PLCB1: variants seen among roughly 807,000 people sequenced by gnomAD.
PLCB1 encodes the protein 1-phosphatidylinositol 4,5-bisphosphate phosphodiesterase beta-1.
Under a neutral mutation model 161.8 loss-of-function variants are expected in PLCB1, and 46 were observed. The ratio of observed to expected loss-of-function variants is 0.28; its 90% confidence interval spans 0.22 to 0.36. PLCB1 has a LOEUF of 0.36. Among genes scored for constraint, PLCB1 ranks in the 10% least tolerant of loss-of-function variants. PLCB1 has a pLI of 1.00. For missense variants in PLCB1, 1,016 were observed against 1,472.5 expected, an observed-to-expected ratio of 0.69 and a Z score of 5.07; for synonymous variants, 517 against 503.7, an observed-to-expected ratio of 1.03 and a Z score of -0.35.
chr20:8,132,889 C>G lies in PLCB1; in HGVS notation c.99+139C>G, dbSNP rs1466129834. On this transcript the variant is annotated intron_variant, in intron 1 of 31. Coordinates refer to ENST00000338037, the MANE Select transcript of PLCB1 (RefSeq NM_015192.4). The surrounding 1 kb of genome is among the most constrained non-coding windows in gnomAD (Gnocchi z 5.2). ...GGGCAGCCTCGGGCGCACAGGTTGG[C>G]ATCTGCCAAAGCGGATGTCCAAGGG... is the stretch of plus-strand genomic sequence containing the variant. The G allele has an allele frequency of 4.6e-6, 3 of 646,776 alleles. No homozygotes were observed. Among genetic ancestry groups the G allele is most frequent in the Non-Finnish European group, 8.4e-6 (3 of 358,302 alleles). The allele number at this position is 646,776 out of a possible 1,614,324, so 40.1% of individuals were successfully genotyped here. A position where few individuals can be genotyped will look rare whatever the true frequency, so the allele number is the denominator to read the frequency against.
At chr20:8,185,325 C>A (rs1478699907) in intron 2 of PLCB1, among the ~76,000 whole-genome samples, 1 of 152,106 alleles carries the variant, frequency 6.6e-6, no homozygotes, top group African/African-American at 2.4e-5. Flanking sequence ...CTGCTTATAA[C>A]ATTCTAACTT....
chr20:8,242,397 C>G (rs1396679985), intron 2 of PLCB1, among the ~76,000 whole-genome samples: 4 of 151,838 alleles, frequency 2.6e-5, no homozygotes, highest in Admixed American at 6.6e-5. Context: ...ACAAGCAGCT[C>G]CTCTAAGAAG....
At position 8,430,519 on chromosome 20, in the gene PLCB1, T is replaced by G. The variant is rs567848514; in HGVS notation, c.246+59069T>G. ...AGTATGGCTGAGAATGCAAGTCTCA[T>G]GGGTATATGTTTAATGAACCTAGTT... is the stretch of plus-strand genomic sequence containing the variant. On this transcript the variant is annotated intron_variant, in intron 3 of 31. Transcript: ENST00000338037. Among the ~76,000 whole-genome samples, 5 of 152,312 alleles carry G rather than the reference T, an allele frequency of 3.3e-5. No individual in the cohort carries two copies. In the South Asian group the frequency reaches 8.3e-4, roughly 25 times the overall value.
At chr20:8,581,681 G>T (rs78243176) in intron 3 of PLCB1, among the ~76,000 whole-genome samples, 2 of 152,104 alleles carry the variant, frequency 1.3e-5, no homozygotes, top group Admixed American at 1.3e-4. Flanking sequence ...ATGCATGAAG[G>T]ACTGTCAATG....
At chr20:8,582,144 G>T (rs1986853809) in intron 3 of PLCB1, among the ~76,000 whole-genome samples, 4 of 152,144 alleles carry the variant, frequency 2.6e-5, no homozygotes. Context: ...AAAAGGTTTG[G>T]AAGACATTAT....
rs367624283 is a variant in PLCB1 at position 8,481,629 on chromosome 20, A to G, written c.246+110179A>G. Among the ~76,000 whole-genome samples, 41 of 152,296 alleles carry G rather than the reference A, an allele frequency of 2.7e-4. No homozygotes were observed. The East Asian group carries it at 7.5e-3, about 28-fold the overall frequency. On this transcript the variant is annotated intron_variant, in intron 3 of 31. Coordinates refer to ENST00000338037, the MANE Select transcript of PLCB1 (RefSeq NM_015192.4). ...AAATTAATTGTAGGCTAGCTTACCT[A>G]TAATAGTCCTTAATTACCATTTTGG... is the stretch of plus-strand genomic sequence containing the variant.
intron 3 of PLCB1, among the ~76,000 whole-genome samples, chr20:8,374,959 C>T (rs994091225): frequency 1.3e-5 from 2 of 151,958 alleles, no homozygotes; most frequent in Non-Finnish European, 2.9e-5. Context: ...GTTTTTTGTG[C>T]CTGCTGTGAT....
chr20:8,647,459 G>A (rs546628794), intron 5 of PLCB1, among the ~76,000 whole-genome samples: 26 of 152,302 alleles, frequency 1.7e-4, no homozygotes, highest in African/African-American at 5.8e-4. Context: ...GGGCCTTAGC[G>A]TGTGCAGCTT....
chr20:8,159,542 C>G (rs552225472), intron 2 of PLCB1, among the ~76,000 whole-genome samples: 1 of 152,124 alleles, frequency 6.6e-6, no homozygotes, highest in Non-Finnish European at 1.5e-5. Context: ...TTTCTGCAGC[C>G]GGCTTGAACT....
intron 2 of PLCB1, among the ~76,000 whole-genome samples, chr20:8,254,861 C>T (rs1322480205): frequency 6.6e-6 from 1 of 151,980 alleles, no homozygotes; most frequent in Non-Finnish European, 1.5e-5. Context: ...ACAGATCTAC[C>T]TAGAATTGAA....
At chr20:8,651,523 C>A (rs1054744220) in intron 7 of PLCB1, 28 of 716,834 alleles carry the variant, frequency 3.9e-5, no homozygotes, top group Non-Finnish European at 7.0e-5. Flanking sequence ...AACCTGCTTG[C>A]TATTGCTTTT....
intron 2 of PLCB1, among the ~76,000 whole-genome samples, chr20:8,271,192 G>A (rs1198158053): frequency 6.6e-6 from 1 of 152,090 alleles, no homozygotes; most frequent in Non-Finnish European, 1.5e-5. Flanking sequence ...GAAGAAATGT[G>A]GGAATAAAAG....
At chr20:8,874,227 C>CACACAT (rs1222201676) in intron 31 of PLCB1, among the ~76,000 whole-genome samples, 1 of 117,682 alleles carries the variant, frequency 8.5e-6, no homozygotes, top group Non-Finnish European at 1.7e-5. Flanking sequence ...TGTGTATGTA[C>CACACAT]ACACACACAC....
chr20:8,150,429 A>G, intron 2 of PLCB1, 58 bp downstream of exon 2: 1 of 735,242 alleles, frequency 1.4e-6, no homozygotes, highest in Admixed American at 2.5e-5. Context: ...TTTGAAAAGT[A>G]TTTATGTATC....
intron 3 of PLCB1, among the ~76,000 whole-genome samples, chr20:8,548,043 T>A (rs1461500674): frequency 6.6e-6 from 1 of 151,994 alleles, no homozygotes; most frequent in Non-Finnish European, 1.5e-5. Context: ...ACCCACACAC[T>A]CCTGGTCCAG....
chr20:8,266,129 G>T (rs1364079759), intron 2 of PLCB1, among the ~76,000 whole-genome samples: 1 of 152,134 alleles, frequency 6.6e-6, no homozygotes, highest in African/African-American at 2.4e-5. Flanking sequence ...ATTAACCATT[G>T]CTACAATAAT....
intron 31 of PLCB1, among the ~76,000 whole-genome samples, chr20:8,803,442 T>C (rs2146241792): frequency 6.6e-6 from 1 of 151,472 alleles, no homozygotes; most frequent in South Asian, 2.1e-4. Context: ...TTTTTTTTTT[T>C]TTTTTTCTAC....
At chr20:8,644,887 G>C (rs982695169) in intron 4 of PLCB1, among the ~76,000 whole-genome samples, 14 of 152,282 alleles carry the variant, frequency 9.2e-5, no homozygotes, top group African/African-American at 1.9e-4. Context: ...GAATAGAAAG[G>C]GGGGAAAGGT....
intron 3 of PLCB1, among the ~76,000 whole-genome samples, chr20:8,548,051 C>T (rs1051770149): frequency 6.6e-6 from 1 of 152,140 alleles, no homozygotes; most frequent in African/African-American, 2.4e-5. Context: ...ACTCCTGGTC[C>T]AGGGACCTCC....
Sources: gnomAD v4.1 joint callset for allele counts (sites outside exome capture counted in the v4.1 genomes callset) on GRCh38, gnomAD v4.1.1 for gene constraint, Gnocchi (gnomAD v3.1) non-coding constraint, MANE v1.5 for transcripts, NCBI Gene and HGNC (gene_info 2026-07-23, HGNC 2026-07-21) for gene names.